The following CHCHD3 variants were observed in gnomAD, a reference collection of about 807,000 sequenced individuals.
CHCHD3 encodes coiled-coil-helix-coiled-coil-helix domain containing 3, also known as MICOS complex subunit MIC19.
CHCHD3 carries 20 observed loss-of-function variants against 38.2 expected under a neutral mutation model. The ratio of observed to expected loss-of-function variants is 0.52; its 90% confidence interval spans 0.37 to 0.76. CHCHD3 has a LOEUF of 0.76. Ranked by LOEUF, CHCHD3 falls within the 30% of genes least tolerant of loss-of-function variation. The pLI, the probability that CHCHD3 is intolerant of heterozygous loss-of-function variation, is 0.00. For synonymous variants in CHCHD3, 82 were observed against 100.0 expected, an observed-to-expected ratio of 0.82 and a Z score of 1.07; for missense variants, 245 against 279.2, an observed-to-expected ratio of 0.88 and a Z score of 0.87.
chr7:133,066,948 T>C (rs1814687121), intron 2 of CHCHD3, among the ~76,000 whole-genome samples: 1 of 152,352 alleles, frequency 6.6e-6, no homozygotes, highest in South Asian at 2.1e-4. Context: ...TAAAGCAAGA[T>C]GTCATTCAAA....
chr7:132,932,548 T>G (rs1038992683), intron 4 of CHCHD3, among the ~76,000 whole-genome samples: 3 of 152,220 alleles, frequency 2.0e-5, no homozygotes, highest in African/African-American at 7.2e-5. Context: ...ATTCATGCAC[T>G]CTGAGGCTGC....
intron 7 of CHCHD3, among the ~76,000 whole-genome samples, chr7:132,787,472 G>C (rs1375487502): frequency 6.6e-6 from 1 of 152,076 alleles, no homozygotes; most frequent in Admixed American, 6.5e-5. Flanking sequence ...AGACAGTGAT[G>C]GGGCCACCAA....
intron 4 of CHCHD3, among the ~76,000 whole-genome samples, chr7:132,898,669 G>A (rs994228412): frequency 1.3e-5 from 2 of 152,250 alleles, no homozygotes; most frequent in Non-Finnish European, 2.9e-5. Flanking sequence ...GGCGCTCGTC[G>A]AGGAGGCTCG....
intron 5 of CHCHD3, among the ~76,000 whole-genome samples, chr7:132,875,120 A>T (rs1247627834): frequency 1.3e-5 from 2 of 152,206 alleles, no homozygotes; most frequent in Non-Finnish European, 2.9e-5. Context: ...ATATACTGGG[A>T]TAAATTCATC....
At chr7:132,802,713 C>G (rs1177062461) in intron 6 of CHCHD3, among the ~76,000 whole-genome samples, 1 of 152,080 alleles carries the variant, frequency 6.6e-6, no homozygotes, top group Admixed American at 6.6e-5. Context: ...TTAAAAGATA[C>G]CAGGACTAAG....
chr7:133,004,996 GT>G (rs989662146), intron 3 of CHCHD3, among the ~76,000 whole-genome samples: 59 of 151,700 alleles, frequency 3.9e-4, no homozygotes, highest in African/African-American at 1.4e-3. Flanking sequence ...AAGTACATGG[GT>G]TCAATGCAAT....
intron 2 of CHCHD3, among the ~76,000 whole-genome samples, chr7:133,050,205 T>G (rs1047031363): frequency 6.6e-6 from 1 of 151,620 alleles, no homozygotes; most frequent in Admixed American, 6.6e-5. Context: ...AAAATTAGTG[T>G]GGTGCTGCAT....
intron 4 of CHCHD3, among the ~76,000 whole-genome samples, chr7:132,925,342 T>C (rs1297557104): frequency 1.3e-5 from 2 of 152,216 alleles, no homozygotes; most frequent in Non-Finnish European, 1.5e-5. Context: ...TGAAACATCA[T>C]GCATTAACCT....
intron 4 of CHCHD3, among the ~76,000 whole-genome samples, chr7:132,934,009 C>T (rs372175502): frequency 6.6e-6 from 1 of 152,158 alleles, no homozygotes; most frequent in Non-Finnish European, 1.5e-5. Context: ...AGCTGGGGCA[C>T]CTGATGATTT....
chr7:133,029,794 A>C (rs1190148755), intron 2 of CHCHD3, among the ~76,000 whole-genome samples: 2 of 152,124 alleles, frequency 1.3e-5, no homozygotes, highest in African/African-American at 4.8e-5. Flanking sequence ...GGGTGAGGTG[A>C]GAAAGAGATA....
intron 4 of CHCHD3, chr7:132,973,948 C>A (rs946977824): frequency 1.7e-5 from 22 of 1,284,512 alleles, no homozygotes; most frequent in Non-Finnish European, 2.2e-5. Flanking sequence ...GGAGTAACAT[C>A]TGGGTTTCTA....
intron 3 of CHCHD3, among the ~76,000 whole-genome samples, chr7:132,997,451 C>CA (rs972624008): frequency 4.6e-5 from 7 of 151,074 alleles, no homozygotes; most frequent in African/African-American, 9.7e-5. Context: ...GTCACTGTAC[C>CA]AAAAAAAAGT....
intron 2 of CHCHD3, among the ~76,000 whole-genome samples, chr7:133,047,907 G>T (rs181315541): frequency 6.6e-6 from 1 of 152,116 alleles, no homozygotes; most frequent in African/African-American, 2.4e-5. Context: ...GACCAACATG[G>T]AGAAACTTCC....
intron 6 of CHCHD3, among the ~76,000 whole-genome samples, chr7:132,836,862 A>G (rs1226588673): frequency 6.6e-6 from 1 of 152,152 alleles, no homozygotes; most frequent in Non-Finnish European, 1.5e-5. Flanking sequence ...GGAGCCCAGA[A>G]ATCAGAGTGC....
intron 2 of CHCHD3, among the ~76,000 whole-genome samples, chr7:133,055,311 G>A (rs1814286354): frequency 7.0e-6 from 1 of 143,230 alleles, no homozygotes; most frequent in East Asian, 2.0e-4. Flanking sequence ...ATAATTAGTT[G>A]AATATATTAT....
chr7:132,896,162 AATC>A (rs1182765481), intron 4 of CHCHD3, among the ~76,000 whole-genome samples: 3 of 152,246 alleles, frequency 2.0e-5, no homozygotes, highest in Non-Finnish European at 4.4e-5. Context: ...AATGTAATGA[AATC>A]ATTCCCCAGT....
At chr7:132,812,452 A>T (rs969474016) in intron 6 of CHCHD3, among the ~76,000 whole-genome samples, 2 of 151,006 alleles carry the variant, frequency 1.3e-5, no homozygotes, top group Admixed American at 6.6e-5. Context: ...CAAGTGATCT[A>T]CCCATCTCGG....
At chr7:132,941,482 T>C (rs980272663) in intron 4 of CHCHD3, among the ~76,000 whole-genome samples, 4 of 152,170 alleles carry the variant, frequency 2.6e-5, no homozygotes, top group East Asian at 1.9e-4. Context: ...ATAACAGCCA[T>C]GCCATTCTGA....
At chr7:132,977,975 T>A (rs905547082) in intron 3 of CHCHD3, among the ~76,000 whole-genome samples, 1 of 152,174 alleles carries the variant, frequency 6.6e-6, no homozygotes, top group Non-Finnish European at 1.5e-5. Flanking sequence ...GGTACAGATA[T>A]GCAAACTCTG....
Sources: allele counts gnomAD v4.1 joint callset (sites outside exome capture counted in the v4.1 genomes callset), GRCh38; gene constraint gnomAD v4.1.1; transcripts MANE v1.5; gene names NCBI Gene and HGNC (gene_info 2026-07-23, HGNC 2026-07-21).